The following ST6GALNAC3 variants were observed in gnomAD, a reference collection of about 807,000 sequenced individuals.
ST6GALNAC3 encodes alpha-N-acetylgalactosaminide alpha-2,6-sialyltransferase 3.
Under a neutral mutation model 32.7 loss-of-function variants are expected in ST6GALNAC3, and 25 were observed. That is an observed-to-expected ratio of 0.76 (90% CI 0.56 to 1.07). The LOEUF (loss-of-function observed/expected upper bound fraction) is 1.07. ST6GALNAC3 is among the 50% of genes least tolerant of loss of function. The probability of loss-of-function intolerance (pLI) is 0.00; values close to 1 mark genes in which losing one functional copy is unlikely to be tolerated. For missense variants in ST6GALNAC3, 355 were observed against 382.4 expected (o/e 0.93, Z 0.60); for synonymous variants, 129 against 133.1 (o/e 0.97, Z 0.21).
chr1:76,561,909 ATAT>A (rs1665268949), intron 3 of ST6GALNAC3, among the ~76,000 whole-genome samples: 2 of 152,234 alleles, frequency 1.3e-5, no homozygotes, highest in Non-Finnish European at 2.9e-5. Context: ...ATACAATCTA[ATAT>A]TATTCAGCAA....
At chr1:76,251,192 G>A (rs147006971) in intron 1 of ST6GALNAC3, among the ~76,000 whole-genome samples, 4 of 151,834 alleles carry the variant, frequency 2.6e-5, no homozygotes, top group African/African-American at 4.8e-5. Context: ...ATTATCACCC[G>A]CATGTCACTA....
intron 1 of ST6GALNAC3, among the ~76,000 whole-genome samples, chr1:76,096,020 G>T (rs1161971584): frequency 6.6e-6 from 1 of 152,148 alleles, no homozygotes; most frequent in Admixed American, 6.5e-5. Context: ...CCTCTGCCTG[G>T]TGAACCCAGC....
intron 1 of ST6GALNAC3, among the ~76,000 whole-genome samples, chr1:76,292,349 A>G (rs544261975): frequency 1.9e-4 from 29 of 152,202 alleles, no homozygotes; most frequent in Non-Finnish European, 3.1e-4. Flanking sequence ...GCACTGAGGA[A>G]TGTTTGTAGA....
At chr1:76,537,889 C>CA (rs144080753) in intron 3 of ST6GALNAC3, among the ~76,000 whole-genome samples, 26,516 of 151,470 alleles carry the variant, frequency 0.18, 3,637 homozygotes, top group African/African-American at 0.38. Context: ...GCCTACCAAC[C>CA]AAAAAAAAGA....
chr1:76,293,543 A>G (rs866561566), intron 1 of ST6GALNAC3, among the ~76,000 whole-genome samples: 4 of 152,220 alleles, frequency 2.6e-5, no homozygotes, highest in South Asian at 2.1e-4. Flanking sequence ...AAACACTCAT[A>G]TTAGAACTAA....
At chr1:76,610,971 T>C (rs1647890436) in intron 3 of ST6GALNAC3, among the ~76,000 whole-genome samples, 1 of 152,144 alleles carries the variant, frequency 6.6e-6, no homozygotes, top group African/African-American at 2.4e-5. Context: ...TCAATAAAGA[T>C]GTGTGTTGTC....
intron 3 of ST6GALNAC3, among the ~76,000 whole-genome samples, chr1:76,419,532 C>A (rs1410715242): frequency 6.6e-6 from 1 of 152,082 alleles, no homozygotes; most frequent in Non-Finnish European, 1.5e-5. Flanking sequence ...TTTCTCCTCT[C>A]CTTAGATTTT....
intron 2 of ST6GALNAC3, among the ~76,000 whole-genome samples, chr1:76,390,878 T>C (rs1040526888): frequency 1.1e-4 from 16 of 150,692 alleles, no homozygotes; most frequent in Non-Finnish European, 3.0e-5. Context: ...TAAAACAAAA[T>C]GGCACATTAT....
chr1:76,268,532 G>A (rs909570103), intron 1 of ST6GALNAC3, among the ~76,000 whole-genome samples: 4 of 152,136 alleles, frequency 2.6e-5, no homozygotes, highest in Non-Finnish European at 5.9e-5. Flanking sequence ...AGCCATGCAC[G>A]AGTGATCTTG....
At chr1:76,280,983 T>A (rs185003463) in intron 1 of ST6GALNAC3, among the ~76,000 whole-genome samples, 29 of 152,364 alleles carry the variant, frequency 1.9e-4, no homozygotes, top group Admixed American at 1.5e-3. Flanking sequence ...TGCCATGCAC[T>A]GTTCTAAGAG....
At chr1:76,161,320 G>T (rs928337612) in intron 1 of ST6GALNAC3, among the ~76,000 whole-genome samples, 2 of 152,192 alleles carry the variant, frequency 1.3e-5, no homozygotes, top group African/African-American at 2.4e-5. Flanking sequence ...AAAGTGTCTG[G>T]ACTAACAGAC....
chr1:76,271,710 T>A (rs1476137419), intron 1 of ST6GALNAC3, among the ~76,000 whole-genome samples: 2 of 152,208 alleles, frequency 1.3e-5, no homozygotes, highest in Admixed American at 6.5e-5. Flanking sequence ...ACTTTATTTA[T>A]GCTTTAGAAA....
chr1:76,534,871 G>A (rs1042080955), intron 3 of ST6GALNAC3, among the ~76,000 whole-genome samples: 1 of 152,100 alleles, frequency 6.6e-6, no homozygotes, highest in South Asian at 2.1e-4. Context: ...ATTATACAGG[G>A]GTCAGGATAC....
chr1:76,289,606 G>A (rs1659963362), intron 1 of ST6GALNAC3, among the ~76,000 whole-genome samples: 1 of 152,234 alleles, frequency 6.6e-6, no homozygotes. Flanking sequence ...AGAGGGATGA[G>A]TGGAGAGGAA....
intron 3 of ST6GALNAC3, among the ~76,000 whole-genome samples, chr1:76,572,807 A>G (rs538075629): frequency 4.1e-4 from 63 of 152,266 alleles, no homozygotes; most frequent in Non-Finnish European, 8.5e-4. Context: ...GACAGCAGGC[A>G]GCTAAGAAAT....
At chr1:76,241,348 C>T (rs1032222340) in intron 1 of ST6GALNAC3, among the ~76,000 whole-genome samples, 2 of 152,180 alleles carry the variant, frequency 1.3e-5, no homozygotes, top group Non-Finnish European at 2.9e-5. Context: ...TGCTTCCACT[C>T]ATGGTGGAAA....
intron 2 of ST6GALNAC3, among the ~76,000 whole-genome samples, chr1:76,362,402 C>T (rs866009577): frequency 2.0e-5 from 3 of 152,110 alleles, no homozygotes; most frequent in Admixed American, 6.5e-5. Context: ...ATCATTCCAC[C>T]CCTGGCCTCC....
intron 3 of ST6GALNAC3, among the ~76,000 whole-genome samples, chr1:76,603,565 T>C (rs1294116842): frequency 3.3e-5 from 5 of 152,194 alleles, no homozygotes; most frequent in African/African-American, 1.2e-4. Flanking sequence ...TAAAATGACG[T>C]TGAAAAATAT....
At chr1:76,564,915 C>T (rs1665464335) in intron 3 of ST6GALNAC3, among the ~76,000 whole-genome samples, 1 of 152,114 alleles carries the variant, frequency 6.6e-6, no homozygotes. Context: ...GAATTTTTAC[C>T]TTCCTCCTAG....
Sources: gnomAD v4.1 joint callset for allele counts (sites outside exome capture counted in the v4.1 genomes callset) on GRCh38, gnomAD v4.1.1 for gene constraint, MANE v1.5 for transcripts, NCBI Gene and HGNC (gene_info 2026-07-23, HGNC 2026-07-21) for gene names.